The following KLF1 variants were observed in gnomAD, a reference collection of about 807,000 sequenced individuals.
KLF1 encodes KLF transcription factor 1.
A neutral mutation model predicts 28.0 loss-of-function variants in KLF1; 29 were observed. The observed-to-expected ratio is 1.04, with a 90% CI of 0.77 to 1.41. The LOEUF is 1.41. Ranked by LOEUF, KLF1 falls within the 40% of genes most tolerant of loss-of-function variation. KLF1 has a pLI of 0.00. For missense variants in KLF1, 508 were observed against 515.1 expected, an observed-to-expected ratio of 0.99 and a Z score of 0.13; for synonymous variants, 262 against 242.6, an observed-to-expected ratio of 1.08 and a Z score of -0.74.
Position 12,884,551 on chromosome 19 carries a change from G to T in KLF1, c.*334C>A, listed in dbSNP as rs757454097. The T allele has an allele frequency of 8.0e-6, 3 of 373,422 alleles. No homozygotes were observed. Among genetic ancestry groups the T allele is most frequent in the Non-Finnish European group, 1.5e-5 (3 of 199,108 alleles). The allele number at this position is 373,422 out of a possible 1,614,324, so 23.1% of individuals were successfully genotyped here. On this transcript the variant is annotated 3_prime_UTR_variant, in exon 3 of 3. Coordinates refer to ENST00000264834, the MANE Select transcript of KLF1 (RefSeq NM_006563.5). ...GAAGCCTCATCCCACACCCTCTCCTGCTGTCCAGGGCCATCTGGGAGCTGG... is the reference window on the plus strand; with the variant it reads ...GAAGCCTCATCCCACACCCTCTCCTTCTGTCCAGGGCCATCTGGGAGCTGG...
Position 12,885,196 on chromosome 19 carries a change from TAAGGA to T in KLF1, c.913+116_913+120del. The T allele has an allele frequency of 7.4e-7, 1 of 1,344,310 alleles. No individual in the cohort carries two copies. The highest frequency in any genetic ancestry group is 2.5e-5 in the East Asian group (1 of 39,824). The allele number at this position is 1,344,310 out of a possible 1,614,324, so 83.3% of individuals were successfully genotyped here. Reference sequence around the variant, plus strand: ...AGTGAGGCCCCTAGGGCACAAAATTTAAGGAGGCACTCACTCTCAGAGGCCAGCCA... The same window carrying T: ...AGTGAGGCCCCTAGGGCACAAAATTTGGCACTCACTCTCAGAGGCCAGCCA... On this transcript the variant is annotated intron_variant, in intron 2 of 2. Transcript: ENST00000264834. This position sits in a 1 kb window ranked among gnomAD's most constrained non-coding sequence, Gnocchi z 5.6.
In KLF1 at chr19:12,884,940, G is replaced by A. The variant is rs370574267; in HGVS notation, c.1034C>T (p.Pro345Leu). 5 of 1,613,812 alleles carry A rather than the reference G, an allele frequency of 3.1e-6. No homozygotes were observed. The South Asian group carries it at 3.3e-5, about 11-fold the overall frequency. ...GTGGTCAGAGCGCGAAAAAGCACGT[G>A]GGCAGAGCTGGCAGCGGAAGGGGCG... is the stretch of plus-strand genomic sequence containing the variant. ...GQRPFRCQLC[P>L]RAFSRSDHLA... Residue 345 changes from proline to leucine, a missense_variant, in exon 3 of 3, where the codon CCA becomes CTA. By Grantham distance (98) the Pro-to-Leu change is moderately conservative. Transcript: ENST00000264834.
At chr19:12,886,644 C>G (rs1489116233) in intron 1 of KLF1, among the ~76,000 whole-genome samples, 2 of 143,218 alleles carry the variant, frequency 1.4e-5, no homozygotes, top group South Asian at 4.4e-4. Context: ...TAGGGTCTTA[C>G]TCTTTTGCCC....
Position 12,886,147 on chromosome 19 carries a change from G to A in KLF1, c.88-5C>T, listed in dbSNP as rs778732258. On this transcript the variant is annotated splice_region_variant and splice_polypyrimidine_tract_variant and intron_variant, in intron 1 of 2. Coordinates refer to ENST00000264834, the MANE Select transcript of KLF1 (RefSeq NM_006563.5). ...CGCCTCTTCGGAGCGCCACCACTGC[G>A]GGAGGGAGCAGGCAGCTCGAGGTTC... 1.9e-6 allele frequency: 3 copies of A among 1,597,464 alleles called. No homozygotes were observed. In the Admixed American group the frequency reaches 5.0e-5, roughly 27 times the overall value.
Position 12,885,287 on chromosome 19 carries a change from T to C in KLF1, c.913+30A>G, listed in dbSNP as rs1970423754. The C allele has an allele frequency of 6.5e-7, 1 of 1,544,672 alleles. No individual in the cohort carries two copies. Reference sequence around the variant, plus strand: ...TGTAACTACAGCGGGCGCCGCGCCCTTTCTCATGTCCGGGGCCCCGCCCCC... The same window carrying C: ...TGTAACTACAGCGGGCGCCGCGCCCCTTCTCATGTCCGGGGCCCCGCCCCC... On this transcript the variant is annotated intron_variant, in intron 2 of 2. Coordinates refer to ENST00000264834, the MANE Select transcript of KLF1 (RefSeq NM_006563.5). The surrounding 1 kb of genome is among the most constrained non-coding windows in gnomAD (Gnocchi z 5.6).
At position 12,887,003 on chromosome 19, in the gene KLF1, G is replaced by A. The variant is rs763601877; in HGVS notation, c.87+51C>T. 1.7e-5 allele frequency: 26 copies of A among 1,566,882 alleles called. No homozygotes were observed. The highest frequency in any genetic ancestry group is 2.1e-5 in the Non-Finnish European group (24 of 1,136,956). Reference sequence around the variant, plus strand: ...GGTCTGGACCCCAAGATCTGTGACTGTGGCCCTGGATTCCAGCCAGCCCAC... The same window carrying A: ...GGTCTGGACCCCAAGATCTGTGACTATGGCCCTGGATTCCAGCCAGCCCAC... On this transcript the variant is annotated intron_variant, in intron 1 of 2. Transcript: ENST00000264834. The surrounding 1 kb of genome is among the most constrained non-coding windows in gnomAD (Gnocchi z 4.7).
intron 1 of KLF1, 43 bp from the exon 2 acceptor site, chr19:12,886,185 G>T: frequency 6.8e-7 from 1 of 1,469,568 alleles, no homozygotes. Context: ...TGGACACTGG[G>T]GTGCCCTGCC....
chr19:12,885,871 G>C lies in KLF1; in HGVS notation c.359C>G (p.Pro120Arg). 6.4e-7 allele frequency: 1 copy of C among 1,552,172 alleles called. No homozygotes were observed. The highest frequency in any genetic ancestry group is 8.7e-7 in the Non-Finnish European group (1 of 1,148,020). Residue 120 changes from proline to arginine, a missense_variant, in exon 2 of 3, where the codon CCG becomes CGG. Coordinates refer to ENST00000264834, the MANE Select transcript of KLF1 (RefSeq NM_006563.5). This position sits in a 1 kb window ranked among gnomAD's most constrained non-coding sequence, Gnocchi z 5.6. ...PETLGAYAGG[P>R]GLVAGLLGSE... ...ACCCAAAAGCCCAGCCACCAGCCCC[G>C]GGCCGCCAGCATATGCGCCCAGAGT... is the stretch of plus-strand genomic sequence containing the variant.
In KLF1 at chr19:12,884,776, T is replaced by C; in HGVS notation, c.*109A>G. 1 of 1,253,130 alleles carries C rather than the reference T, an allele frequency of 8.0e-7. No individual in the cohort carries two copies. The allele number at this position is 1,253,130 out of a possible 1,614,324, so 77.6% of individuals were successfully genotyped here. A position where few individuals can be genotyped will look rare whatever the true frequency, so the allele number is the denominator to read the frequency against. On this transcript the variant is annotated 3_prime_UTR_variant, in exon 3 of 3. Transcript: ENST00000264834. ...GCGAGTCCAGGAGAGGGTCCATTCGTGGGAAAACCACCCAGCATTGTGTCA... is the reference window on the plus strand; with the variant it reads ...GCGAGTCCAGGAGAGGGTCCATTCGCGGGAAAACCACCCAGCATTGTGTCA...
At position 12,885,365 on chromosome 19, in the gene KLF1, T is replaced by A; in HGVS notation, c.865A>T (p.Ser289Cys). 1 of 1,604,674 alleles carries A rather than the reference T, an allele frequency of 6.2e-7. No individual in the cohort carries two copies. Among genetic ancestry groups the A allele is most frequent in the Non-Finnish European group, 8.5e-7 (1 of 1,176,164 alleles). Residue 289 changes from serine to cysteine, a missense_variant, in exon 2 of 3, where the codon AGC (serine) becomes TGC (cysteine). Ser to Cys is a moderately radical substitution (Grantham distance 112, BLOSUM62 -1). Transcript: ENST00000264834. This position sits in a 1 kb window ranked among gnomAD's most constrained non-coding sequence, Gnocchi z 5.6. ...HTCAHPGCGK[S>C]YTKSSHLKAH... ...TTCAGGTGGGAGCTCTTGGTGTAGC[T>A]CTTGCCGCAACCCGGGTGCGCGCAC...
At position 12,886,040 on chromosome 19, in the gene KLF1, C is replaced by G; in HGVS notation, c.190G>C (p.Asp64His). The change falls in exon 2 of 3, where the codon GAC becomes CAC. Residue 64 changes from aspartate to histidine, a missense_variant. Asp to His is a moderately conservative substitution (Grantham distance 81, BLOSUM62 -1). Transcript: ENST00000264834. ...GTGGCGTCCGCGCCCCTCTCATCGTCCTCTTCCTCCCCGGGCTGGTCCTCA... is the reference window on the plus strand; with the variant it reads ...GTGGCGTCCGCGCCCCTCTCATCGTGCTCTTCCTCCCCGGGCTGGTCCTCA... ...KSEDQPGEEE[D>H]DERGADATWD... is the part of the protein sequence containing the mutation. 1 of 1,609,870 alleles carries G rather than the reference C, an allele frequency of 6.2e-7. No homozygotes were observed. The highest frequency in any genetic ancestry group is 8.5e-7 in the Non-Finnish European group (1 of 1,178,864).
In KLF1 at chr19:12,885,214, C is replaced by T; in HGVS notation, c.913+103G>A. The T allele has an allele frequency of 7.4e-7, 1 of 1,347,484 alleles. No individual in the cohort carries two copies. Among genetic ancestry groups the T allele is most frequent in the South Asian group, 1.3e-5 (1 of 78,198 alleles). The allele number at this position is 1,347,484 out of a possible 1,614,324, so 83.5% of individuals were successfully genotyped here. On this transcript the variant is annotated intron_variant, in intron 2 of 2. Coordinates refer to ENST00000264834, the MANE Select transcript of KLF1 (RefSeq NM_006563.5). This position sits in a 1 kb window ranked among gnomAD's most constrained non-coding sequence, Gnocchi z 5.6. ...CAAAATTTAAGGAGGCACTCACTCT[C>T]AGAGGCCAGCCAAGTCCAAGTCCCG...
Position 12,885,764 on chromosome 19 carries a change from C to G in KLF1, c.466G>C (p.Ala156Pro), listed in dbSNP as rs1970436251. The G allele has an allele frequency of 6.6e-7, 1 of 1,522,346 alleles. No individual in the cohort carries two copies. Among genetic ancestry groups the G allele is most frequent in the Non-Finnish European group, 8.8e-7 (1 of 1,136,806 alleles). 94.3% of individuals were successfully genotyped at this position (1,522,346 alleles called of 1,614,324 possible). ...AGCGCCTTGGGCTCGGGGGCCGGGG[C>G]TGGAGCCAGGGCTGGGCCCACGAAG... Reference protein sequence around the residue: ...DAFVGPALAPAPAPEPKALAL... With the variant: ...DAFVGPALAPPPAPEPKALAL... The change falls in exon 2 of 3, where the codon GCC becomes CCC. Residue 156 changes from alanine (A) to proline (P), a missense_variant. By Grantham distance (27) the Ala-to-Pro change is conservative. Coordinates refer to ENST00000264834, the MANE Select transcript of KLF1 (RefSeq NM_006563.5). The surrounding 1 kb of genome is among the most constrained non-coding windows in gnomAD (Gnocchi z 5.6).
Position 12,885,363 on chromosome 19 carries a change from G to C in KLF1, c.867C>G (p.Ser289Arg), listed in dbSNP as rs970988762. Residue 289 changes from serine to arginine, a missense_variant, in exon 2 of 3, where the codon AGC becomes AGG. Physicochemically the swap from Ser to Arg is moderately radical, Grantham distance 110. Coordinates refer to ENST00000264834, the MANE Select transcript of KLF1 (RefSeq NM_006563.5). The surrounding 1 kb of genome is among the most constrained non-coding windows in gnomAD (Gnocchi z 5.6). ...CCTTCAGGTGGGAGCTCTTGGTGTA[G>C]CTCTTGCCGCAACCCGGGTGCGCGC... ...HTCAHPGCGK[S>R]YTKSSHLKAH... 6.2e-7 allele frequency: 1 copy of C among 1,604,250 alleles called. No individual in the cohort carries two copies. Among genetic ancestry groups the C allele is most frequent in the Non-Finnish European group, 8.5e-7 (1 of 1,175,956 alleles).
At position 12,887,145 on chromosome 19, in the gene KLF1, G is replaced by A. The variant is rs757317733; in HGVS notation, c.-5C>T. 46 of 1,613,884 alleles carry A rather than the reference G, an allele frequency of 2.9e-5. No homozygotes were observed. Among genetic ancestry groups the A allele is most frequent in the Non-Finnish European group, 3.6e-5 (42 of 1,179,996 alleles). The stretch of plus-strand genomic sequence containing the variant: ...GGCGGTCTCGGCTGTGGCCATGGCT[G>A]GCTGGTGCCCACCCTGGGCCTCAAG... On this transcript the variant is annotated 5_prime_UTR_variant, in exon 1 of 3. Transcript: ENST00000264834. This position sits in a 1 kb window ranked among gnomAD's most constrained non-coding sequence, Gnocchi z 4.7.
chr19:12,885,296 T>TCCGGGGCC lies in KLF1; in HGVS notation c.913+13_913+20dup, dbSNP rs1568420540. The TCCGGGGCC allele has an allele frequency of 1.3e-6, 2 of 1,555,598 alleles. No individual in the cohort carries two copies. On this transcript the variant is annotated intron_variant, in intron 2 of 2. Transcript: ENST00000264834. The surrounding 1 kb of genome is among the most constrained non-coding windows in gnomAD (Gnocchi z 5.6). The stretch of plus-strand genomic sequence containing the variant: ...AGCGGGCGCCGCGCCCTTTCTCATG[T>TCCGGGGCC]CCGGGGCCCCGCCCCCTCACCTGTG...
intron 1 of KLF1, among the ~76,000 whole-genome samples, chr19:12,886,468 GA>G (rs1015813347): frequency 1.3e-5 from 2 of 152,042 alleles, no homozygotes; most frequent in African/African-American, 4.8e-5. Context: ...TGCCAGCCTT[GA>G]CTTAGTTTTC....
Position 12,884,807 on chromosome 19 carries a change from G to C in KLF1, c.*78C>G. 1 of 1,475,516 alleles carries C rather than the reference G, an allele frequency of 6.8e-7. No individual in the cohort carries two copies. Among genetic ancestry groups the C allele is most frequent in the South Asian group, 1.1e-5 (1 of 88,348 alleles). The allele number at this position is 1,475,516 out of a possible 1,614,324, so 91.4% of individuals were successfully genotyped here. On this transcript the variant is annotated 3_prime_UTR_variant, in exon 3 of 3. Transcript: ENST00000264834. ...AACCACCCAGCATTGTGTCACGCGCGTCCGTGTGAAGAGACCACCAAACAG... is the reference window on the plus strand; with the variant it reads ...AACCACCCAGCATTGTGTCACGCGCCTCCGTGTGAAGAGACCACCAAACAG...
chr19:12,887,155 C>T lies in KLF1; in HGVS notation c.-15G>A, dbSNP rs758218841. ...GCTGTGGCCATGGCTGGCTGGTGCC[C>T]ACCCTGGGCCTCAAGCCTCCTCTTC... On this transcript the variant is annotated 5_prime_UTR_variant, in exon 1 of 3. Transcript: ENST00000264834. This position sits in a 1 kb window ranked among gnomAD's most constrained non-coding sequence, Gnocchi z 4.7. The T allele has an allele frequency of 2.5e-6, 4 of 1,613,786 alleles. 1 individual carries two copies. The South Asian group carries it at 4.4e-5, about 18-fold the overall frequency.
Sources: allele counts gnomAD v4.1 joint callset (sites outside exome capture counted in the v4.1 genomes callset), GRCh38; gene constraint gnomAD v4.1.1; non-coding constraint Gnocchi (gnomAD v3.1); transcripts MANE v1.5; gene names NCBI Gene and HGNC (gene_info 2026-07-23, HGNC 2026-07-21).